The following NKAIN3 variants were observed in gnomAD, a reference collection of about 807,000 sequenced individuals.
The protein encoded by NKAIN3 is sodium/potassium transporting ATPase interacting 3.
NKAIN3 carries 25 observed loss-of-function variants against 30.2 expected under a neutral mutation model. That is an observed-to-expected ratio of 0.83 (90% confidence interval 0.60 to 1.16). NKAIN3 has a LOEUF of 1.16. Ranked by LOEUF, NKAIN3 falls within the 50% of genes most tolerant of loss-of-function variation. The pLI is 0.00. For missense variants in NKAIN3, 225 were observed against 254.1 expected (o/e 0.89, Z 0.78); for synonymous variants, 91 against 89.6 (o/e 1.02, Z -0.09).
At chr8:62,619,854 C>T (rs891884758) in intron 3 of NKAIN3, among the ~76,000 whole-genome samples, 1 of 152,062 alleles carries the variant, frequency 6.6e-6, no homozygotes, top group Non-Finnish European at 1.5e-5. Context: ...CAATCAACAC[C>T]CTTGTAAAAT....
At chr8:62,856,521 AC>A in intron 4 of NKAIN3, 1 of 782,136 alleles carries the variant, frequency 1.3e-6, no homozygotes, top group Non-Finnish European at 2.3e-6. Flanking sequence ...CTCAGAGATC[AC>A]CAGCTTTGGT....
intron 1 of NKAIN3, among the ~76,000 whole-genome samples, chr8:62,392,052 A>G (rs542515691): frequency 4.6e-5 from 7 of 152,182 alleles, no homozygotes; most frequent in Middle Eastern, 3.4e-3. Context: ...AGGAAGTTCT[A>G]ATTAAAGCCC....
chr8:62,386,364 T>G (rs1563375217), intron 1 of NKAIN3, among the ~76,000 whole-genome samples: 1 of 152,194 alleles, frequency 6.6e-6, no homozygotes, highest in Non-Finnish European at 1.5e-5. Flanking sequence ...ATATGGTCTT[T>G]TCATAAATAG....
At chr8:62,509,208 C>A (rs1380116182) in intron 1 of NKAIN3, among the ~76,000 whole-genome samples, 1 of 152,040 alleles carries the variant, frequency 6.6e-6, no homozygotes, top group African/African-American at 2.4e-5. Flanking sequence ...GAGGGGGTCC[C>A]AAGCAAAGCA....
At chr8:62,426,252 G>A (rs1004388245) in intron 1 of NKAIN3, among the ~76,000 whole-genome samples, 2 of 151,914 alleles carry the variant, frequency 1.3e-5, no homozygotes, top group Non-Finnish European at 2.9e-5. Context: ...ATAAGGATAA[G>A]AGGAATGCAT....
At chr8:62,613,518 G>A (rs1811355106) in intron 3 of NKAIN3, among the ~76,000 whole-genome samples, 1 of 152,006 alleles carries the variant, frequency 6.6e-6, no homozygotes, top group South Asian at 2.1e-4. Flanking sequence ...GGATAAATCT[G>A]CTTGGTATTC....
chr8:62,327,304 A>G (rs149728614), intron 1 of NKAIN3, among the ~76,000 whole-genome samples: 73 of 152,148 alleles, frequency 4.8e-4, no homozygotes, highest in Non-Finnish European at 8.5e-4. Flanking sequence ...TTGATACACA[A>G]AAGCTTTAAG....
In NKAIN3 at chr8:62,980,688, C is replaced by A. The variant is rs2130923972; in HGVS notation, c.*15281C>A. ...TGTATCTAAACCAGAAAAAAATATT[C>A]CTTGTACATGATATTTTTAGGCAAA... is the stretch of plus-strand genomic sequence containing the variant. On this transcript the variant is annotated 3_prime_UTR_variant, in exon 7 of 7. Transcript: ENST00000623646. 6.6e-6 allele frequency: 1 copy of A among 152,122 alleles called. No individual in the cohort carries two copies. Among genetic ancestry groups the A allele is most frequent in the East Asian group, 1.9e-4 (1 of 5,184 alleles). 9.4% of individuals were successfully genotyped at this position (152,122 alleles called of 1,614,324 possible).
intron 3 of NKAIN3, among the ~76,000 whole-genome samples, chr8:62,702,391 G>A (rs534969720): frequency 6.6e-6 from 1 of 152,224 alleles, no homozygotes; most frequent in African/African-American, 2.4e-5. Context: ...GGGGTCAAAG[G>A]CATTGGAAAA....
intron 4 of NKAIN3, among the ~76,000 whole-genome samples, chr8:62,867,493 A>G (rs1271201187): frequency 1.3e-5 from 2 of 152,226 alleles, no homozygotes; most frequent in Non-Finnish European, 2.9e-5. Flanking sequence ...AAGTCCAGCA[A>G]AAGAAAATAG....
chr8:62,830,018 T>C (rs188130369), intron 4 of NKAIN3, among the ~76,000 whole-genome samples: 184 of 152,268 alleles, frequency 1.2e-3, no homozygotes, highest in African/African-American at 4.3e-3. Context: ...TGTGTTCTAG[T>C]TACTAAAAAA....
At chr8:62,639,073 C>T (rs1812225681) in intron 3 of NKAIN3, among the ~76,000 whole-genome samples, 1 of 152,158 alleles carries the variant, frequency 6.6e-6, no homozygotes, top group African/African-American at 2.4e-5. Flanking sequence ...AAACCTCACA[C>T]TATGCCCTTT....
chr8:62,325,921 G>A (rs568707847), intron 1 of NKAIN3, among the ~76,000 whole-genome samples: 1 of 151,758 alleles, frequency 6.6e-6, no homozygotes, highest in Non-Finnish European at 1.5e-5. Context: ...TGTGGGATGC[G>A]TGGTTTGCAA....
chr8:62,851,262 G>A (rs1376892678), intron 4 of NKAIN3, among the ~76,000 whole-genome samples: 2 of 152,124 alleles, frequency 1.3e-5, no homozygotes, highest in Admixed American at 6.5e-5. Flanking sequence ...CTGTTTGTCT[G>A]TTATTGGTGT....
At chr8:62,312,819 G>C (rs1814489652) in intron 1 of NKAIN3, among the ~76,000 whole-genome samples, 1 of 96,980 alleles carries the variant, frequency 1.0e-5, no homozygotes, top group Non-Finnish European at 2.3e-5. Flanking sequence ...AGTGAACCTT[G>C]TCTCAAAAAA....
intron 3 of NKAIN3, among the ~76,000 whole-genome samples, chr8:62,708,056 G>T (rs1213612232): frequency 6.6e-6 from 1 of 151,964 alleles, no homozygotes; most frequent in Non-Finnish European, 1.5e-5. Context: ...TTTATTTATG[G>T]GTTCTCTATT....
chr8:62,388,546 A>C (rs943171870), intron 1 of NKAIN3, among the ~76,000 whole-genome samples: 1 of 152,244 alleles, frequency 6.6e-6, no homozygotes, highest in African/African-American at 2.4e-5. Flanking sequence ...ATTCACATTT[A>C]ATTGGCTACT....
intron 1 of NKAIN3, among the ~76,000 whole-genome samples, chr8:62,560,882 G>C (rs1221636999): frequency 6.6e-6 from 1 of 151,774 alleles, no homozygotes; most frequent in African/African-American, 2.4e-5. Flanking sequence ...TATCTACTGA[G>C]CTTTTAATTT....
chr8:62,940,233 A>G (rs1327327701), intron 5 of NKAIN3, among the ~76,000 whole-genome samples: 1 of 152,134 alleles, frequency 6.6e-6, no homozygotes, highest in Non-Finnish European at 1.5e-5. Context: ...CTAAATATAT[A>G]TGCATCTAAC....
Sources: gnomAD v4.1 joint callset for allele counts (sites outside exome capture counted in the v4.1 genomes callset) on GRCh38, gnomAD v4.1.1 for gene constraint, MANE v1.5 for transcripts, NCBI Gene and HGNC (gene_info 2026-07-23, HGNC 2026-07-21) for gene names.